The following CECR2 variants were observed in gnomAD, a reference collection of about 807,000 sequenced individuals.
The protein encoded by CECR2 is chromatin remodeling regulator CECR2.
Under a neutral mutation model 154.5 loss-of-function variants are expected in CECR2, and 30 were observed. The observed-to-expected ratio is 0.19, with a 90% CI of 0.15 to 0.26. CECR2 has a LOEUF of 0.26. Ranked by LOEUF, CECR2 falls within the 10% of genes least tolerant of loss-of-function variation. The probability of loss-of-function intolerance (pLI) is 1.00; values close to 1 mark genes in which losing one functional copy is unlikely to be tolerated. For synonymous variants in CECR2, 725 were observed against 683.7 expected, an observed-to-expected ratio of 1.06 and a Z score of -0.94; for missense variants, 1,743 against 1,829.3, an observed-to-expected ratio of 0.95 and a Z score of 0.86.
At chr22:17,388,372 C>T (rs544768389) in intron 1 of CECR2, among the ~76,000 whole-genome samples, 1 of 152,312 alleles carries the variant, frequency 6.6e-6, no homozygotes, top group South Asian at 2.1e-4. Context: ...GTTTAATTCC[C>T]CCATGAGGCA....
intron 1 of CECR2, among the ~76,000 whole-genome samples, chr22:17,421,336 C>G (rs937182455): frequency 6.6e-6 from 1 of 151,842 alleles, no homozygotes; most frequent in Non-Finnish European, 1.5e-5. Flanking sequence ...CCAGGCAAGG[C>G]CGGGCGCGGT....
At chr22:17,403,538 A>C (rs1353954085) in intron 1 of CECR2, among the ~76,000 whole-genome samples, 1 of 152,136 alleles carries the variant, frequency 6.6e-6, no homozygotes, top group African/African-American at 2.4e-5. Context: ...AAGGGGCTCT[A>C]GTTTTTTCAC....
intron 1 of CECR2, among the ~76,000 whole-genome samples, chr22:17,414,690 G>C (rs1446741904): frequency 6.6e-6 from 1 of 150,812 alleles, no homozygotes; most frequent in African/African-American, 2.4e-5. Flanking sequence ...ACTGGCCCTG[G>C]TGTGTGATGT....
intron 1 of CECR2, among the ~76,000 whole-genome samples, chr22:17,411,037 G>A (rs926167693): frequency 5.9e-5 from 9 of 152,136 alleles, no homozygotes; most frequent in African/African-American, 2.2e-4. Context: ...GGAAGCCCAA[G>A]ACTTAATCAT....
At chr22:17,504,157 A>G (rs2055791376) in intron 6 of CECR2, among the ~76,000 whole-genome samples, 1 of 151,982 alleles carries the variant, frequency 6.6e-6, no homozygotes, top group South Asian at 2.1e-4. Flanking sequence ...AGATCACTTG[A>G]GCTCAGGAAT....
At chr22:17,477,002 G>T in intron 1 of CECR2, 1 of 652,638 alleles carries the variant, frequency 1.5e-6, no homozygotes, top group Non-Finnish European at 2.8e-6. Flanking sequence ...ATTCTGTTTA[G>T]ATGATGTAAG....
intron 10 of CECR2, among the ~76,000 whole-genome samples, chr22:17,537,876 C>T (rs2056461496): frequency 6.6e-6 from 1 of 152,006 alleles, no homozygotes; most frequent in African/African-American, 2.4e-5. Flanking sequence ...TGCCTGTAGT[C>T]CCAGCTACTC....
intron 17 of CECR2, 76 bp downstream of exon 17, chr22:17,549,640 T>A: frequency 7.8e-7 from 1 of 1,287,548 alleles, no homozygotes; most frequent in South Asian, 1.5e-5. Context: ...TGAGACAGAG[T>A]CTCACTTTGT....
chr22:17,385,397 G>A (rs2063246587), intron 1 of CECR2, among the ~76,000 whole-genome samples: 1 of 152,150 alleles, frequency 6.6e-6, no homozygotes, highest in Admixed American at 6.6e-5. Context: ...ACACTTAAAG[G>A]CCATTGTAGG....
At chr22:17,382,196 C>T (rs567863887) in intron 1 of CECR2, among the ~76,000 whole-genome samples, 221 of 151,982 alleles carry the variant, frequency 1.5e-3, no homozygotes, top group Non-Finnish European at 2.6e-3. Flanking sequence ...GGCCAGAGAG[C>T]CCCTTCCTCA....
chr22:17,481,342 C>CAAAAA (rs10714119), intron 2 of CECR2, among the ~76,000 whole-genome samples: 5 of 73,776 alleles, frequency 6.8e-5, no homozygotes, highest in South Asian at 4.6e-4. Context: ...GACTCTGTCT[C>CAAAAA]AAAAAAAAAA....
chr22:17,483,826 A>G (rs2055372334), intron 2 of CECR2, among the ~76,000 whole-genome samples: 1 of 152,204 alleles, frequency 6.6e-6, no homozygotes, highest in Non-Finnish European at 1.5e-5. Context: ...TTCATTTACT[A>G]CTCAGTTACT....
chr22:17,382,542 C>T (rs766078984), intron 1 of CECR2, among the ~76,000 whole-genome samples: 6 of 152,162 alleles, frequency 3.9e-5, no homozygotes, highest in Non-Finnish European at 7.3e-5. Context: ...GTTATGTTCA[C>T]AGTATACTAT....
At chr22:17,485,549 A>G (rs1292245915) in intron 2 of CECR2, among the ~76,000 whole-genome samples, 1 of 152,178 alleles carries the variant, frequency 6.6e-6, no homozygotes, top group Non-Finnish European at 1.5e-5. Flanking sequence ...CAGGCCGCTC[A>G]CATGAACTCA....
intron 1 of CECR2, among the ~76,000 whole-genome samples, chr22:17,374,535 A>C (rs2063096519): frequency 6.6e-6 from 1 of 152,118 alleles, no homozygotes. Context: ...ACATTCTGGA[A>C]GCAGCCCCCA....
intron 1 of CECR2, among the ~76,000 whole-genome samples, chr22:17,389,719 C>G (rs2063306236): frequency 6.6e-6 from 1 of 152,182 alleles, no homozygotes; most frequent in Admixed American, 6.5e-5. Flanking sequence ...CCTCCGCCTC[C>G]TGGGTTAGAG....
intron 1 of CECR2, among the ~76,000 whole-genome samples, chr22:17,415,861 A>G (rs138508593): frequency 1.2e-3 from 187 of 152,300 alleles, no homozygotes; most frequent in African/African-American, 4.3e-3. Context: ...TCATCCCATC[A>G]ATCCGTCGGT....
Position 17,524,171 on chromosome 22 carries a change from A to G in CECR2, c.1008A>G (p.Glu336=). The change falls in exon 9 of 19, where the codon GAA becomes GAG. Residue 336 remains glutamate, a synonymous_variant. Transcript: ENST00000262608. ...AACAAAAGCGCAAAGAGGAGGAAGA[A>G]GAGCGTCAGATTCTTCTAGCAGTGC... The part of the protein sequence containing the change: ...IEKQKRKEEE[E]ERQILLAVQK... 2.5e-6 allele frequency: 4 copies of G among 1,606,518 alleles called. No individual in the cohort carries two copies. The highest frequency in any genetic ancestry group is 3.4e-6 in the Non-Finnish European group (4 of 1,176,456).
intron 8 of CECR2, among the ~76,000 whole-genome samples, chr22:17,520,978 A>G (rs1464964356): frequency 1.3e-5 from 2 of 152,116 alleles, no homozygotes; most frequent in South Asian, 4.1e-4. Context: ...ACTGGGTCAA[A>G]TGGTATTTCT....
Sources: allele counts gnomAD v4.1 joint callset (sites outside exome capture counted in the v4.1 genomes callset), GRCh38; gene constraint gnomAD v4.1.1; transcripts MANE v1.5; gene names NCBI Gene and HGNC (gene_info 2026-07-23, HGNC 2026-07-21).